The following RARB variants were observed in gnomAD, a reference collection of about 807,000 sequenced individuals.
RARB encodes HBV-activated protein.
Under a neutral mutation model 51.9 loss-of-function variants are expected in RARB, and 17 were observed. The ratio of observed to expected loss-of-function variants is 0.33; its 90% CI spans 0.22 to 0.49. The LOEUF is 0.49. RARB is among the 20% of genes least tolerant of loss of function. The pLI, the probability that RARB is intolerant of heterozygous loss-of-function variation, is 0.99. For synonymous variants in RARB, 215 were observed against 195.4 expected (o/e 1.10, Z -0.84); for missense variants, 369 against 550.8 (o/e 0.67, Z 3.30).
intron 2 of RARB, among the ~76,000 whole-genome samples, chr3:24,893,433 G>C (rs959397198): frequency 6.6e-6 from 1 of 152,152 alleles, no homozygotes. Context: ...TGTGCATCGT[G>C]CTTTGGGACA....
At chr3:25,042,140 C>T (rs1378634112) in intron 2 of RARB, among the ~76,000 whole-genome samples, 1 of 152,108 alleles carries the variant, frequency 6.6e-6, no homozygotes, top group African/African-American at 2.4e-5. Context: ...ATTATCAGAC[C>T]TTACCATTTT....
chr3:25,118,292 A>G (rs543831242), intron 3 of RARB, among the ~76,000 whole-genome samples: 13 of 152,222 alleles, frequency 8.5e-5, no homozygotes, highest in Non-Finnish European at 1.3e-4. Context: ...GTTGTGGGGG[A>G]AAAAGGCATT....
intron 5 of RARB, among the ~76,000 whole-genome samples, chr3:25,329,428 G>T (rs528985565): frequency 6.6e-6 from 1 of 152,302 alleles, no homozygotes; most frequent in African/African-American, 2.4e-5. Context: ...AACTCCAACA[G>T]ACCTGCAGCT....
intron 3 of RARB, among the ~76,000 whole-genome samples, chr3:25,086,293 C>T (rs1575154065): frequency 6.6e-6 from 1 of 152,248 alleles, no homozygotes; most frequent in East Asian, 1.9e-4. Context: ...TTAAGGAAAG[C>T]GATAGTGGGC....
At chr3:24,982,903 T>A (rs903195060) in intron 2 of RARB, among the ~76,000 whole-genome samples, 1 of 152,232 alleles carries the variant, frequency 6.6e-6, no homozygotes, top group Non-Finnish European at 1.5e-5. Flanking sequence ...TATGTCTTCA[T>A]GACCTTTAAA....
At chr3:25,495,346 A>G (rs1288317245) in intron 2 of RARB, among the ~76,000 whole-genome samples, 19 of 152,192 alleles carry the variant, frequency 1.2e-4, no homozygotes, top group Non-Finnish European at 2.8e-4. Flanking sequence ...GTGATTTAAG[A>G]TATGTCCATC....
chr3:25,257,657 G>T (rs115391132), intron 5 of RARB, among the ~76,000 whole-genome samples: 2 of 152,050 alleles, frequency 1.3e-5, no homozygotes, highest in East Asian at 1.9e-4. Flanking sequence ...CAAGTCCTGC[G>T]GTCTACCTGA....
At chr3:25,108,523 G>C (rs542266372) in intron 3 of RARB, among the ~76,000 whole-genome samples, 30 of 152,200 alleles carry the variant, frequency 2.0e-4, no homozygotes, top group African/African-American at 7.2e-4. Context: ...ACCAGATCAG[G>C]AAGTGCCATA....
chr3:25,455,060 C>G (rs1196767392), intron 1 of RARB, among the ~76,000 whole-genome samples: 2 of 152,184 alleles, frequency 1.3e-5, no homozygotes, highest in African/African-American at 4.8e-5. Flanking sequence ...TGTCTGCAAA[C>G]AACCTCTGAG....
chr3:24,974,313 A>G (rs539170087), intron 2 of RARB, among the ~76,000 whole-genome samples: 1 of 152,170 alleles, frequency 6.6e-6, no homozygotes, highest in African/African-American at 2.4e-5. Flanking sequence ...AATTTTTTAA[A>G]CGCATTGTTG....
At chr3:25,125,288 T>C (rs1439556691) in intron 3 of RARB, among the ~76,000 whole-genome samples, 1 of 152,200 alleles carries the variant, frequency 6.6e-6, no homozygotes, top group Non-Finnish European at 1.5e-5. Flanking sequence ...TTAACACTTT[T>C]GTGTATTCAT....
chr3:25,235,136 A>AGAAAACTTAGT (rs954416599), intron 5 of RARB, among the ~76,000 whole-genome samples: 5 of 152,188 alleles, frequency 3.3e-5, no homozygotes, highest in African/African-American at 1.2e-4. Context: ...TCAGTAAACC[A>AGAAAACTTAGT]GAAAACTTAG....
At chr3:25,242,753 C>CT (rs1360973550) in intron 5 of RARB, among the ~76,000 whole-genome samples, 1 of 152,124 alleles carries the variant, frequency 6.6e-6, no homozygotes, top group African/African-American at 2.4e-5. Context: ...ATGCCTCCAG[C>CT]TTTGTTCTTT....
intron 3 of RARB, among the ~76,000 whole-genome samples, chr3:25,063,954 T>C (rs1377150625): frequency 6.6e-6 from 1 of 152,122 alleles, no homozygotes; most frequent in Non-Finnish European, 1.5e-5. Flanking sequence ...CAGATTCGAA[T>C]GATCTCCTCA....
intron 5 of RARB, among the ~76,000 whole-genome samples, chr3:25,268,316 A>G (rs1199152314): frequency 6.6e-6 from 1 of 152,040 alleles, no homozygotes; most frequent in East Asian, 1.9e-4. Flanking sequence ...GGACCTATTC[A>G]GGTGTGGCTA....
intron 4 of RARB, among the ~76,000 whole-genome samples, chr3:25,146,173 T>C (rs1350061929): frequency 6.6e-6 from 1 of 152,150 alleles, no homozygotes. Context: ...AAAATGAAGA[T>C]TAAGGAGCTA....
chr3:25,329,064 G>T (rs185986113), intron 5 of RARB, among the ~76,000 whole-genome samples: 8 of 152,332 alleles, frequency 5.3e-5, no homozygotes, highest in African/African-American at 1.9e-4. Flanking sequence ...GCTCAAGGAG[G>T]CCTGCCTGCC....
chr3:25,152,121 C>T (rs1700296768), intron 4 of RARB, among the ~76,000 whole-genome samples: 1 of 152,024 alleles, frequency 6.6e-6, no homozygotes, highest in Non-Finnish European at 1.5e-5. Flanking sequence ...TTATTCATTC[C>T]CAAGTGATTC....
At chr3:24,986,290 A>C (rs1438930036) in intron 2 of RARB, among the ~76,000 whole-genome samples, 1 of 152,230 alleles carries the variant, frequency 6.6e-6, no homozygotes, top group African/African-American at 2.4e-5. Context: ...TATGCAAAAT[A>C]TGTGTTATTA....
Sources: gnomAD v4.1 joint callset for allele counts (sites outside exome capture counted in the v4.1 genomes callset) on GRCh38, gnomAD v4.1.1 for gene constraint, MANE v1.5 for transcripts, NCBI Gene and HGNC (gene_info 2026-07-23, HGNC 2026-07-21) for gene names.